Variants in TTC28 observed in about 807,000 individuals in gnomAD.
TTC28 encodes tetratricopeptide repeat protein 28.
A neutral mutation model predicts 198.0 loss-of-function variants in TTC28; 61 were observed. The ratio of observed to expected loss-of-function variants is 0.31; its 90% CI spans 0.25 to 0.38. The LOEUF (loss-of-function observed/expected upper bound fraction) is 0.38. Among genes scored for constraint, TTC28 ranks in the 10% least tolerant of loss-of-function variants. TTC28 has a pLI of 1.00. For synonymous variants in TTC28, 1,171 were observed against 1,297.8 expected, an observed-to-expected ratio of 0.90 and a Z score of 2.10; for missense variants, 2,678 against 3,164.0, an observed-to-expected ratio of 0.85 and a Z score of 3.69.
intron 2 of TTC28, among the ~76,000 whole-genome samples, chr22:28,553,735 G>A (rs1272929142): frequency 3.3e-5 from 5 of 150,626 alleles, no homozygotes; most frequent in African/African-American, 7.3e-5. Flanking sequence ...CAACTGCCCC[G>A]TCCGGGAGGG....
At chr22:28,288,139 A>C (rs1169133586) in intron 5 of TTC28, among the ~76,000 whole-genome samples, 4 of 152,216 alleles carry the variant, frequency 2.6e-5, no homozygotes, top group Non-Finnish European at 5.9e-5. Flanking sequence ...CACTATCCCC[A>C]TCAAGCACTT....
intron 2 of TTC28, among the ~76,000 whole-genome samples, chr22:28,596,539 G>C (rs2050546581): frequency 6.6e-6 from 1 of 152,088 alleles, no homozygotes; most frequent in Admixed American, 6.6e-5. Context: ...CTATTGGTTA[G>C]GAAGCTTTTC....
intron 2 of TTC28, among the ~76,000 whole-genome samples, chr22:28,399,316 TG>T (rs1569305167): frequency 7.1e-6 from 1 of 141,524 alleles, no homozygotes; most frequent in Non-Finnish European, 1.5e-5. Context: ...AGACTAAAAC[TG>T]TTTTTTTTTT....
intron 1 of TTC28, among the ~76,000 whole-genome samples, chr22:28,663,766 CG>C (rs1437199621): frequency 9.0e-5 from 12 of 132,952 alleles, no homozygotes; most frequent in Non-Finnish European, 1.5e-4. Flanking sequence ...ACAAAGCAGC[CG>C]GGAAGCTCCA....
intron 12 of TTC28, among the ~76,000 whole-genome samples, chr22:28,062,460 C>G (rs1297770327): frequency 1.6e-5 from 1 of 63,576 alleles, no homozygotes; most frequent in African/African-American, 5.4e-5. Flanking sequence ...TTCTAGAATT[C>G]TACTTTATTT....
chr22:28,307,516 G>A (rs189708170), intron 2 of TTC28, among the ~76,000 whole-genome samples: 9 of 152,118 alleles, frequency 5.9e-5, no homozygotes, highest in Admixed American at 3.9e-4. Flanking sequence ...GGGCTCAAGC[G>A]ATCCTCCCAC....
chr22:28,164,805 C>A (rs1921697859), intron 5 of TTC28, among the ~76,000 whole-genome samples: 1 of 152,068 alleles, frequency 6.6e-6, no homozygotes, highest in African/African-American at 2.4e-5. Context: ...ACGACTTTGA[C>A]AAGTTGAGAG....
intron 1 of TTC28, among the ~76,000 whole-genome samples, chr22:28,678,789 G>A (rs1283882753): frequency 1.3e-5 from 2 of 152,196 alleles, no homozygotes; most frequent in Non-Finnish European, 2.9e-5. Flanking sequence ...ATGCCATGGT[G>A]AGGTATACAC....
chr22:28,260,696 C>T (rs1042041126), intron 5 of TTC28, among the ~76,000 whole-genome samples: 1 of 152,132 alleles, frequency 6.6e-6, no homozygotes, highest in Non-Finnish European at 1.5e-5. Context: ...AATTAATCTG[C>T]TCCTTGTGTA....
chr22:28,486,771 T>C (rs2048319231), intron 2 of TTC28, among the ~76,000 whole-genome samples: 1 of 152,154 alleles, frequency 6.6e-6, no homozygotes. Context: ...ATTTAATCTC[T>C]TGCAACTCCA....
At chr22:28,498,063 TC>T (rs2048480661) in intron 2 of TTC28, among the ~76,000 whole-genome samples, 1 of 151,998 alleles carries the variant, frequency 6.6e-6, no homozygotes, top group Non-Finnish European at 1.5e-5. Context: ...GCCACGGTTT[TC>T]ACAGAAGAAT....
chr22:28,280,094 G>A (rs184236273), intron 5 of TTC28, among the ~76,000 whole-genome samples: 1 of 152,136 alleles, frequency 6.6e-6, no homozygotes, highest in East Asian at 1.9e-4. Flanking sequence ...CAATTCTCTG[G>A]AGTAAATATC....
chr22:28,635,632 A>T (rs2224338), intron 1 of TTC28, among the ~76,000 whole-genome samples: 151,496 of 152,218 alleles, frequency 1, 75,393 homozygotes, highest in Middle Eastern at 1. Context: ...ATACATAGTA[A>T]AATTCCAGTC....
intron 1 of TTC28, among the ~76,000 whole-genome samples, chr22:28,641,560 G>A (rs5997380): frequency 6.6e-4 from 100 of 152,258 alleles, no homozygotes; most frequent in African/African-American, 2.2e-3. Flanking sequence ...TTTTGAGAGC[G>A]AGGAAAATGT....
chr22:28,325,020 T>G (rs917361429), intron 2 of TTC28, among the ~76,000 whole-genome samples: 2 of 152,182 alleles, frequency 1.3e-5, no homozygotes, highest in African/African-American at 2.4e-5. Context: ...TCCCTCTTTT[T>G]CTATCAATTG....
chr22:28,528,922 T>G (rs577945717), intron 2 of TTC28, among the ~76,000 whole-genome samples: 2 of 152,182 alleles, frequency 1.3e-5, no homozygotes, highest in East Asian at 3.9e-4. Flanking sequence ...ACAACAACTA[T>G]TTAGAAGACA....
At chr22:28,129,834 C>A (rs1026565438) in intron 6 of TTC28, among the ~76,000 whole-genome samples, 1 of 152,138 alleles carries the variant, frequency 6.6e-6, no homozygotes, top group African/African-American at 2.4e-5. Context: ...GAGTAAGAAT[C>A]ACAGGGGACC....
chr22:28,511,011 A>ATT, intron 2 of TTC28, among the ~76,000 whole-genome samples: 1 of 152,222 alleles, frequency 6.6e-6, no homozygotes, highest in Non-Finnish European at 1.5e-5. Context: ...CAGAGAGGAC[A>ATT]CAAAAAAATG....
At chr22:28,242,716 T>C (rs1339061653) in intron 5 of TTC28, among the ~76,000 whole-genome samples, 1 of 152,148 alleles carries the variant, frequency 6.6e-6, no homozygotes, top group Non-Finnish European at 1.5e-5. Context: ...TTTTAAAAGA[T>C]TTTTTTCCAT....
Sources: allele counts gnomAD v4.1 joint callset (sites outside exome capture counted in the v4.1 genomes callset), GRCh38; gene constraint gnomAD v4.1.1; transcripts MANE v1.5; gene names NCBI Gene and HGNC (gene_info 2026-07-23, HGNC 2026-07-21).